The following BIN2 variants were observed in gnomAD, a reference collection of about 807,000 sequenced individuals.
BIN2 encodes the protein bridging integrator 2, also known as breast cancer associated protein BRAP1.
A neutral mutation model predicts 67.9 loss-of-function variants in BIN2; 43 were observed. The ratio of observed to expected loss-of-function variants is 0.63; its 90% CI spans 0.50 to 0.82. The LOEUF (loss-of-function observed/expected upper bound fraction) is 0.82, where lower values mean the gene tolerates loss of function less well. BIN2 is among the 40% of genes least tolerant of loss of function. The probability of loss-of-function intolerance (pLI) is 0.00; values close to 1 mark genes in which losing one functional copy is unlikely to be tolerated. For missense variants in BIN2, 581 were observed against 671.6 expected, an observed-to-expected ratio of 0.87 and a Z score of 1.49; for synonymous variants, 244 against 246.8, an observed-to-expected ratio of 0.99 and a Z score of 0.11.
intron 1 of BIN2, among the ~76,000 whole-genome samples, chr12:51,319,783 C>A (rs1011140879): frequency 1.3e-5 from 2 of 152,110 alleles, no homozygotes; most frequent in Non-Finnish European, 2.9e-5. Context: ...CTACATATAT[C>A]TTTGGTGGCT....
At chr12:51,305,201 C>A (rs1057267610) in intron 2 of BIN2, among the ~76,000 whole-genome samples, 1 of 149,694 alleles carries the variant, frequency 6.7e-6, no homozygotes, top group African/African-American at 2.5e-5. Flanking sequence ...CAGGGTGTGG[C>A]GGCAGGCACC....
chr12:51,281,600 CA>C, intron 12 of BIN2, 72 bp from the exon 13 acceptor site: 1 of 1,495,992 alleles, frequency 6.7e-7, no homozygotes. Flanking sequence ...GGGTTAAACT[CA>C]GTTTGCTTCT....
chr12:51,319,180 T>C (rs1946205525), intron 1 of BIN2, among the ~76,000 whole-genome samples: 1 of 152,208 alleles, frequency 6.6e-6, no homozygotes, highest in Admixed American at 6.5e-5. Flanking sequence ...AAACTCAGTC[T>C]AGAGTCAGTG....
At chr12:51,310,388 TGTCA>T (rs1945965803) in intron 2 of BIN2, among the ~76,000 whole-genome samples, 1 of 152,194 alleles carries the variant, frequency 6.6e-6, no homozygotes. Flanking sequence ...AACTTAAACA[TGTCA>T]GTGAGTTGCT....
At chr12:51,299,394 C>T in intron 6 of BIN2, 106 bp from the exon 7 acceptor site, 1 of 1,152,092 alleles carries the variant, frequency 8.7e-7, no homozygotes, top group Non-Finnish European at 1.3e-6. Context: ...TTTTTAGGAG[C>T]CATCCCTCTT....
Position 51,292,300 on chromosome 12 carries a change from G to C in BIN2, c.806C>G (p.Ala269Gly). The part of the protein sequence containing the change: ...SLVISPPVRT[A>G]TVSSPLTSPT... ...TGAGGTAAGAGGACTGGAGACTGTA[G>C]CTGTTCGAACTGGGGGAGAAATGAC... The change falls in exon 10 of 13, where the codon GCT becomes GGT. Residue 269 changes from alanine to glycine, a missense_variant. Transcript: ENST00000615107. 6.3e-7 allele frequency: 1 copy of C among 1,598,494 alleles called. No individual in the cohort carries two copies. Among genetic ancestry groups the C allele is most frequent in the South Asian group, 1.1e-5 (1 of 91,052 alleles).
chr12:51,314,149 G>A (rs1946066353), intron 1 of BIN2, among the ~76,000 whole-genome samples: 1 of 152,002 alleles, frequency 6.6e-6, no homozygotes, highest in Admixed American at 6.6e-5. Flanking sequence ...CCAGGTTCAA[G>A]CAATTCTCCT....
In BIN2 at chr12:51,291,981, G is replaced by T; in HGVS notation, c.1125C>A (p.Ser375Arg). ...CAGATGATGAAGGCTGCCCTGAAGG[G>T]CTCAGGGCTCCGCCTGGTGATGGAG... ...STTPSPGGAL[S>R]PSGQPSSSAT... The change falls in exon 10 of 13, where the codon AGC becomes AGA. Residue 375 changes from serine to arginine, a missense_variant. By Grantham distance (110) the Ser-to-Arg change is moderately radical. Coordinates refer to ENST00000615107, the MANE Select transcript of BIN2 (RefSeq NM_016293.4). The T allele has an allele frequency of 6.2e-7, 1 of 1,614,226 alleles. No homozygotes were observed. Among genetic ancestry groups the T allele is most frequent in the Non-Finnish European group, 8.5e-7 (1 of 1,180,036 alleles).
intron 10 of BIN2, among the ~76,000 whole-genome samples, chr12:51,288,390 T>C (rs902066819): frequency 3.9e-5 from 6 of 152,214 alleles, no homozygotes; most frequent in African/African-American, 1.4e-4. Context: ...TACACATGGC[T>C]CATGTGCTAG....
chr12:51,284,643 G>A, intron 12 of BIN2, 73 bp downstream of exon 12: 4 of 1,206,870 alleles, frequency 3.3e-6, no homozygotes, highest in Non-Finnish European at 4.9e-6. Flanking sequence ...GTAGCCTGTG[G>A]TGAAGATTCC....
intron 11 of BIN2, among the ~76,000 whole-genome samples, chr12:51,287,354 CAG>C (rs1201736340): frequency 8.8e-5 from 13 of 147,824 alleles, no homozygotes; most frequent in Non-Finnish European, 1.6e-4. Context: ...TTTTTTGAGA[CAG>C]AGTTTCACTC....
At chr12:51,303,771 T>TA (rs905153448) in intron 2 of BIN2, among the ~76,000 whole-genome samples, 10 of 152,090 alleles carry the variant, frequency 6.6e-5, no homozygotes, top group Non-Finnish European at 1.5e-4. Context: ...CTCCTCCCTC[T>TA]AAAAAAGGAG....
chr12:51,296,048 C>T (rs1404013828), intron 8 of BIN2, among the ~76,000 whole-genome samples, 170 bp from the exon 9 acceptor site: 1 of 152,104 alleles, frequency 6.6e-6, no homozygotes, highest in Non-Finnish European at 1.5e-5. Context: ...CCTGTCCCGC[C>T]ACCCCCTCTT....
chr12:51,318,908 C>T (rs1421716836), intron 1 of BIN2, among the ~76,000 whole-genome samples: 2 of 141,284 alleles, frequency 1.4e-5, no homozygotes, highest in Non-Finnish European at 3.3e-5. Flanking sequence ...TTGGTTTGGC[C>T]ATATCTGTTT....
In BIN2 at chr12:51,314,616, A is replaced by G. The variant is rs529622335; in HGVS notation, c.82-713T>C. ...GGAGTTCGAGGCCAGGCTGACCAGC[A>G]TGGATAAACCCCATCTCTACTAAAA... On this transcript the variant is annotated intron_variant, in intron 1 of 12. Coordinates refer to ENST00000615107, the MANE Select transcript of BIN2 (RefSeq NM_016293.4). Among the ~76,000 whole-genome samples the G allele has an allele frequency of 1.8e-3, 273 of 152,062 alleles. 1 individual carries two copies. The highest frequency in any genetic ancestry group is 3.3e-3 in the Admixed American group (51 of 15,268).
chr12:51,291,770 T>G lies in BIN2; in HGVS notation c.1336A>C (p.Thr446Pro). The change falls in exon 10 of 13, where the codon ACC (threonine) becomes CCC (proline). Residue 446 changes from threonine to proline, a missense_variant. Coordinates refer to ENST00000615107, the MANE Select transcript of BIN2 (RefSeq NM_016293.4). ...SPTASGGGSP[T>P]SPRASLGTGT... Reference sequence around the variant, plus strand: ...GTCCCCAAGGAGGCCCTAGGGCTGGTGGGTGAACCCCCTCCAGAGGCTGTA... The same window carrying G: ...GTCCCCAAGGAGGCCCTAGGGCTGGGGGGTGAACCCCCTCCAGAGGCTGTA... 3 of 1,613,548 alleles carry G rather than the reference T, an allele frequency of 1.9e-6. No homozygotes were observed. The highest frequency in any genetic ancestry group is 1.1e-5 in the South Asian group (1 of 91,060).
intron 9 of BIN2, among the ~76,000 whole-genome samples, chr12:51,294,325 C>T (rs1945473675): frequency 6.6e-6 from 1 of 152,050 alleles, no homozygotes; most frequent in African/African-American, 2.4e-5. Flanking sequence ...TCCCAGCACT[C>T]TGGGAGGCCA....
intron 11 of BIN2, among the ~76,000 whole-genome samples, chr12:51,286,172 C>T (rs906899451): frequency 9.2e-5 from 14 of 152,010 alleles, no homozygotes; most frequent in Non-Finnish European, 2.9e-5. Context: ...TATATTTACC[C>T]ATTTTTACAT....
intron 2 of BIN2, among the ~76,000 whole-genome samples, chr12:51,309,296 T>A (rs898981403): frequency 3.9e-5 from 6 of 152,142 alleles, no homozygotes; most frequent in Non-Finnish European, 7.3e-5. Flanking sequence ...TTTTTCCTCC[T>A]GTGTGTCTTT....
Sources: allele counts gnomAD v4.1 joint callset (sites outside exome capture counted in the v4.1 genomes callset), GRCh38; gene constraint gnomAD v4.1.1; transcripts MANE v1.5; gene names NCBI Gene and HGNC (gene_info 2026-07-23, HGNC 2026-07-21).